The following SNX31 variants were observed in gnomAD, a reference collection of about 807,000 sequenced individuals.
SNX31 encodes the protein sorting nexin-31.
SNX31 carries 58 observed loss-of-function variants against 65.4 expected under a neutral mutation model. The observed-to-expected ratio is 0.89, with a 90% CI of 0.72 to 1.10. SNX31 has a LOEUF of 1.10. Ranked by LOEUF, SNX31 falls within the 50% of genes least tolerant of loss-of-function variation. The pLI, the probability that SNX31 is intolerant of heterozygous loss-of-function variation, is 0.00. For missense variants in SNX31, 523 were observed against 529.7 expected (o/e 0.99, Z 0.12); for synonymous variants, 181 against 190.1 (o/e 0.95, Z 0.39).
rs749216233 is a variant in SNX31 at position 100,584,142 on chromosome 8, A to C, written c.1139T>G (p.Met380Arg). 1 of 1,603,130 alleles carries C rather than the reference A, an allele frequency of 6.2e-7. No homozygotes were observed. The highest frequency in any genetic ancestry group is 1.7e-5 in the Admixed American group (1 of 57,982). Residue 380 changes from methionine to arginine, a missense_variant, in exon 12 of 14, where the codon ATG (methionine) becomes AGG (arginine). Physicochemically the swap from Met to Arg is moderately conservative, Grantham distance 91 (BLOSUM62 -1). Transcript: ENST00000311812. ...SCLKKMISEK[M>R]VKLAAENTEM... The stretch of plus-strand genomic sequence containing the variant: ...TGTATTCTCAGCAGCTAGCTTTACC[A>C]TCTTTTCTGAGATCATCTTTTTCAA...
intron 9 of SNX31, among the ~76,000 whole-genome samples, chr8:100,597,984 A>G (rs1034895116): frequency 2.6e-5 from 4 of 152,242 alleles, no homozygotes; most frequent in Admixed American, 1.3e-4. Context: ...ACTTTAGCAC[A>G]TGGTTAAATC....
At chr8:100,657,582 A>G in intron 1 of SNX31, 2 of 427,626 alleles carry the variant, frequency 4.7e-6, no homozygotes, top group Non-Finnish European at 9.4e-6. Context: ...GGCAGCAGGT[A>G]TACCTGTGGA....
In SNX31 at chr8:100,577,761, A is replaced by C. The variant is rs745763776; in HGVS notation, c.1171-686T>G. ...CTGGAACCAGAGAGTAGCTGTAGCT[A>C]TAAGGAGGAGAGATTGCCTGACGGG... On this transcript the variant is annotated intron_variant, in intron 12 of 13. Coordinates refer to ENST00000311812, the MANE Select transcript of SNX31 (RefSeq NM_152628.4). Among the ~76,000 whole-genome samples the C allele has an allele frequency of 7.0e-4, 107 of 152,182 alleles. 1 individual carries two copies. Among genetic ancestry groups the C allele is most frequent in the Non-Finnish European group, 2.1e-4 (14 of 68,026 alleles).
At chr8:100,581,325 CTATCTATCTATCTA>C (rs1813502161) in intron 12 of SNX31, among the ~76,000 whole-genome samples, 2 of 129,356 alleles carry the variant, frequency 1.5e-5, no homozygotes, top group African/African-American at 3.5e-5. Context: ...ATATCTATAT[CTATCTATCTATCTA>C]TATATATATA....
At chr8:100,579,879 G>C (rs1044034162) in intron 12 of SNX31, among the ~76,000 whole-genome samples, 2 of 152,200 alleles carry the variant, frequency 1.3e-5, no homozygotes, top group Non-Finnish European at 2.9e-5. Flanking sequence ...ATTGTTTCTT[G>C]CCAGGCATGG....
intron 1 of SNX31, among the ~76,000 whole-genome samples, chr8:100,656,640 C>CAAAAAAAAAAA (rs34052612): frequency 2.2e-5 from 1 of 44,598 alleles, no homozygotes; most frequent in Non-Finnish European, 4.0e-5. Flanking sequence ...GACTCTGTCT[C>CAAAAAAAAAAA]AAAAAAAAAA....
chr8:100,625,625 C>T lies in SNX31; in HGVS notation c.321+4702G>A, dbSNP rs1253575333. Reference sequence around the variant, plus strand: ...GAAAAGGAAAGCATCCTTGAAGAAACTTACAAATAGCCCTGAGCCTGAGGT... The same window carrying T: ...GAAAAGGAAAGCATCCTTGAAGAAATTTACAAATAGCCCTGAGCCTGAGGT... On this transcript the variant is annotated intron_variant, in intron 4 of 13. Coordinates refer to ENST00000311812, the MANE Select transcript of SNX31 (RefSeq NM_152628.4). The surrounding 1 kb of genome is among the most constrained non-coding windows in gnomAD (Gnocchi z 4.2). Among the ~76,000 whole-genome samples, 1 of 152,140 alleles carries T rather than the reference C, an allele frequency of 6.6e-6. No homozygotes were observed. Among genetic ancestry groups the T allele is most frequent in the African/African-American group, 2.4e-5 (1 of 41,424 alleles).
At chr8:100,615,793 G>T (rs375678576) in intron 5 of SNX31, among the ~76,000 whole-genome samples, 1 of 152,096 alleles carries the variant, frequency 6.6e-6, no homozygotes, top group Non-Finnish European at 1.5e-5. Flanking sequence ...TTTTGGAGAC[G>T]GAGTCTTGCT....
rs1040386357 is a variant in SNX31 at position 100,612,703 on chromosome 8, C to T, written c.523+292G>A. 1.3e-5 allele frequency among the ~76,000 whole-genome samples: 2 copies of T among 152,024 alleles called. No homozygotes were observed. Among genetic ancestry groups the T allele is most frequent in the Non-Finnish European group, 2.9e-5 (2 of 67,992 alleles). ...CTCCATTCACAGGAAACGGTGCAGG[C>T]GAGTGGTCAGTGGTCAGGCCGGGCC... is the stretch of plus-strand genomic sequence containing the variant. On this transcript the variant is annotated intron_variant, in intron 6 of 13. Transcript: ENST00000311812. The surrounding 1 kb of genome is among the most constrained non-coding windows in gnomAD (Gnocchi z 4.3).
chr8:100,651,817 G>A (rs1452274980), upstream of SNX31, among the ~76,000 whole-genome samples: 2 of 152,166 alleles, frequency 1.3e-5, no homozygotes, highest in Non-Finnish European at 2.9e-5. Flanking sequence ...TGAAGCATAG[G>A]GCAATGAAGA....
intron 7 of SNX31, among the ~76,000 whole-genome samples, chr8:100,608,941 C>A (rs577275437): frequency 1.3e-5 from 2 of 152,340 alleles, no homozygotes; most frequent in South Asian, 4.1e-4. Context: ...CACCACCCTG[C>A]AGCAGGGCCA....
At chr8:100,646,999 A>G (rs1819687495) in intron 2 of SNX31, among the ~76,000 whole-genome samples, 1 of 152,176 alleles carries the variant, frequency 6.6e-6, no homozygotes. Context: ...ACTAATTCTA[A>G]TGCTAGCTCA....
In SNX31 at chr8:100,604,499, C is replaced by A. The variant is rs930474824; in HGVS notation, c.681+3995G>T. 6.6e-6 allele frequency among the ~76,000 whole-genome samples: 1 copy of A among 152,168 alleles called. No homozygotes were observed. The highest frequency in any genetic ancestry group is 2.4e-5 in the African/African-American group (1 of 41,442). ...CAAGGTCACCAGGCCATAGGGGAGTCAGGAAGCCAAAGGTCAGCCCCCCTC... is the reference window on the plus strand; with the variant it reads ...CAAGGTCACCAGGCCATAGGGGAGTAAGGAAGCCAAAGGTCAGCCCCCCTC... On this transcript the variant is annotated intron_variant, in intron 8 of 13. Transcript: ENST00000311812. The surrounding 1 kb of genome is among the most constrained non-coding windows in gnomAD (Gnocchi z 4.3).
rs1027157789 is a variant in SNX31, at chr8:100,575,022, C to G, written c.1228-1062G>C. Among the ~76,000 whole-genome samples, 4 of 152,036 alleles carry G rather than the reference C, an allele frequency of 2.6e-5. No individual in the cohort carries two copies. Among genetic ancestry groups the G allele is most frequent in the African/African-American group, 9.7e-5 (4 of 41,384 alleles). ...TTTAAAGAGTAATTTGCCTTCAGTACTTATGAAATCTCAAAGACACGGTTA... is the reference window on the plus strand; with the variant it reads ...TTTAAAGAGTAATTTGCCTTCAGTAGTTATGAAATCTCAAAGACACGGTTA... On this transcript the variant is annotated intron_variant, in intron 13 of 13. Coordinates refer to ENST00000311812, the MANE Select transcript of SNX31 (RefSeq NM_152628.4). The surrounding 1 kb of genome is among the most constrained non-coding windows in gnomAD (Gnocchi z 5.1).
At position 100,613,596 on chromosome 8, in the gene SNX31, T is replaced by C. The variant is rs1043625604; in HGVS notation, c.433-511A>G. On this transcript the variant is annotated intron_variant, in intron 5 of 13. Coordinates refer to ENST00000311812, the MANE Select transcript of SNX31 (RefSeq NM_152628.4). This position sits in a 1 kb window ranked among gnomAD's most constrained non-coding sequence, Gnocchi z 5.2. Reference sequence around the variant, plus strand: ...ACACGCCAGGCCTGCTTCGCCTTGATGTTTCCTGCGATGGTCAACTGTAAT... The same window carrying C: ...ACACGCCAGGCCTGCTTCGCCTTGACGTTTCCTGCGATGGTCAACTGTAAT... 6.6e-6 allele frequency among the ~76,000 whole-genome samples: 1 copy of C among 152,236 alleles called. No individual in the cohort carries two copies. The highest frequency in any genetic ancestry group is 2.4e-5 in the African/African-American group (1 of 41,466).
At chr8:100,582,548 G>C (rs924642468) in intron 12 of SNX31, 1 of 152,122 alleles carries the variant, frequency 6.6e-6, no homozygotes, top group Non-Finnish European at 1.5e-5. Context: ...GAAAAGGTAC[G>C]TTCAGTTCTA....
rs1815121525 is a variant in SNX31, at chr8:100,596,687, G to A, written c.930C>T (p.Asp310=). The part of the protein sequence containing the change: ...CITLPDSQTQ[D]IVFQMSRVKC... ...TCACCCTGCTCATCTGGAAAACGAT[G>A]TCCTGGGTCTGGCTGTCAGGCAGGG... The change falls in exon 10 of 14, where the codon GAC becomes GAT. Residue 310 remains aspartate (D), a synonymous_variant. Transcript: ENST00000311812. 6.2e-7 allele frequency: 1 copy of A among 1,614,178 alleles called. No individual in the cohort carries two copies. The highest frequency in any genetic ancestry group is 1.7e-5 in the Admixed American group (1 of 60,022).
intron 2 of SNX31, among the ~76,000 whole-genome samples, chr8:100,644,193 C>T (rs13255544): frequency 0.62 from 94,693 of 151,924 alleles, 31,280 homozygotes; most frequent in African/African-American, 0.85. Context: ...AACCAGCGCA[C>T]ACAGGCTGCA....
chr8:100,600,218 A>C, intron 9 of SNX31, 131 bp downstream of exon 9: 1 of 692,666 alleles, frequency 1.4e-6, no homozygotes, highest in Non-Finnish European at 2.5e-6. Context: ...CAATGAAGAT[A>C]TTCTTATTTT....
Sources: allele counts gnomAD v4.1 joint callset (sites outside exome capture counted in the v4.1 genomes callset), GRCh38; gene constraint gnomAD v4.1.1; non-coding constraint Gnocchi (gnomAD v3.1); transcripts MANE v1.5; gene names NCBI Gene and HGNC (gene_info 2026-07-23, HGNC 2026-07-21).